Variants in KLF12 observed in about 807,000 individuals in gnomAD.
KLF12 encodes KLF transcription factor 12.
Under a neutral mutation model 37.8 loss-of-function variants are expected in KLF12, and 9 were observed. The ratio of observed to expected loss-of-function variants is 0.24; its 90% CI spans 0.14 to 0.42. The LOEUF (loss-of-function observed/expected upper bound fraction) is 0.42. Ranked by LOEUF, KLF12 falls within the 10% of genes least tolerant of loss-of-function variation. The pLI is 1.00. For missense variants in KLF12, 411 were observed against 516.0 expected (o/e 0.80, Z 1.97); for synonymous variants, 208 against 202.1 (o/e 1.03, Z -0.25).
rs186045496 is a variant in KLF12 at position 73,809,411 on chromosome 13, T to C, written c.806+3741A>G. Among the ~76,000 whole-genome samples, 39 of 152,192 alleles carry C rather than the reference T, an allele frequency of 2.6e-4. 1 individual carries two copies. Among genetic ancestry groups the C allele is most frequent in the Admixed American group, 2.6e-3 (39 of 15,278 alleles). On this transcript the variant is annotated intron_variant, in intron 5 of 7. Coordinates refer to ENST00000377669, the MANE Select transcript of KLF12 (RefSeq NM_007249.5). ...AGAGAAATTAATGGTGAAATAGTCA[T>C]ATCCATTAATTAATAAAGGATAAAC...
intron 1 of KLF12, among the ~76,000 whole-genome samples, chr13:74,124,879 C>T (rs757522602): frequency 8.6e-5 from 13 of 152,030 alleles, no homozygotes; most frequent in Non-Finnish European, 1.6e-4. Flanking sequence ...AACTGGGCCG[C>T]GTATGTTGGC....
intron 3 of KLF12, among the ~76,000 whole-genome samples, chr13:73,846,792 T>C (rs9543471): frequency 0.35 from 53,282 of 151,954 alleles, 10,130 homozygotes; most frequent in Non-Finnish European, 0.44. Context: ...AGAGTTACCA[T>C]ACCATACTCA....
At chr13:73,780,796 T>A (rs1594083483) in intron 5 of KLF12, among the ~76,000 whole-genome samples, 1 of 152,192 alleles carries the variant, frequency 6.6e-6, no homozygotes, top group Admixed American at 6.5e-5. Flanking sequence ...AAAGAAGCAG[T>A]TTGAGATGGA....
rs1290149848 is a variant in KLF12 at position 73,930,408 on chromosome 13, CTAA to C, written c.123+13570_123+13572del. On this transcript the variant is annotated intron_variant, in intron 3 of 7. Coordinates refer to ENST00000377669, the MANE Select transcript of KLF12 (RefSeq NM_007249.5). ...TCTAAGACAATGGAGACACTGAATG[CTAA>C]TAATGTTTTATGTTTTTGGAAACAA... Among the ~76,000 whole-genome samples the C allele has an allele frequency of 2.6e-5, 4 of 152,126 alleles. No individual in the cohort carries two copies. The East Asian group carries it at 7.7e-4, about 29-fold the overall frequency.
intron 1 of KLF12, among the ~76,000 whole-genome samples, chr13:74,089,528 T>C (rs1279115245): frequency 6.6e-6 from 1 of 152,084 alleles, no homozygotes; most frequent in African/African-American, 2.4e-5. Flanking sequence ...ATATTTCTTA[T>C]TATATGGATG....
At chr13:73,831,158 A>G (rs897366317) in intron 4 of KLF12, among the ~76,000 whole-genome samples, 6 of 152,296 alleles carry the variant, frequency 3.9e-5, no homozygotes, top group African/African-American at 1.4e-4. Context: ...AAACTGACAC[A>G]TTCTCTAGAT....
chr13:74,287,708 TCAC>T, the KLF12 span, among the ~76,000 whole-genome samples: 1 of 152,194 alleles, frequency 6.6e-6, no homozygotes, highest in African/African-American at 2.4e-5. Context: ...TCCTTCATAT[TCAC>T]CAACCATTAC....
the KLF12 span, among the ~76,000 whole-genome samples, chr13:74,175,165 A>G: frequency 6.6e-6 from 1 of 152,216 alleles, no homozygotes; most frequent in Non-Finnish European, 1.5e-5. Context: ...TCAGATCCCA[A>G]TATAAATTCT....
At chr13:73,988,932 T>C (rs1891894723) in intron 2 of KLF12, among the ~76,000 whole-genome samples, 1 of 152,176 alleles carries the variant, frequency 6.6e-6, no homozygotes, top group East Asian at 1.9e-4. Flanking sequence ...GTAGGAACTA[T>C]TACTGTTATT....
intron 3 of KLF12, among the ~76,000 whole-genome samples, chr13:73,910,137 A>C (rs73524886): frequency 0.049 from 7,442 of 152,176 alleles, 424 homozygotes; most frequent in African/African-American, 0.14. Flanking sequence ...AGTCTCCTCC[A>C]CTGGCCCACC....
chr13:74,098,793 A>G (rs1593898129), intron 1 of KLF12, among the ~76,000 whole-genome samples: 1 of 152,342 alleles, frequency 6.6e-6, no homozygotes, highest in African/African-American at 2.4e-5. Flanking sequence ...TTTAGAAAAT[A>G]TTTTGCTAAC....
intron 1 of KLF12, among the ~76,000 whole-genome samples, chr13:74,097,888 AG>A (rs1465341186): frequency 6.6e-6 from 1 of 152,076 alleles, no homozygotes; most frequent in African/African-American, 2.4e-5. Flanking sequence ...TTTGACTTAT[AG>A]GTACATCTGC....
At chr13:73,701,208 T>G (rs1324378070) in intron 7 of KLF12, among the ~76,000 whole-genome samples, 1 of 152,220 alleles carries the variant, frequency 6.6e-6, no homozygotes, top group Non-Finnish European at 1.5e-5. Flanking sequence ...GGGCTGCTGC[T>G]GCACCTGGGC....
chr13:73,751,465 G>A (rs887520061), intron 6 of KLF12, among the ~76,000 whole-genome samples: 8 of 152,070 alleles, frequency 5.3e-5, no homozygotes, highest in African/African-American at 1.4e-4. Flanking sequence ...AGACCTGTTC[G>A]GAGCTTAGGG....
chr13:73,914,477 A>C (rs1888720252), intron 3 of KLF12, among the ~76,000 whole-genome samples: 1 of 152,250 alleles, frequency 6.6e-6, no homozygotes, highest in Non-Finnish European at 1.5e-5. Flanking sequence ...ATGTGGAGAG[A>C]GCCAAATAAC....
chr13:73,871,055 T>C (rs561470596), intron 3 of KLF12, among the ~76,000 whole-genome samples: 1 of 152,348 alleles, frequency 6.6e-6, no homozygotes, highest in African/African-American at 2.4e-5. Flanking sequence ...CCCTGAAGCA[T>C]CAAGCTCCTC....
rs181910380 is a variant in KLF12 at position 73,724,463 on chromosome 13, C to T, written c.870-8938G>A. Reference sequence around the variant, plus strand: ...ATTATATAAATCAGACCAAGTAGAACTCATTGGTAGTTTTCCACTTGAGTC... The same window carrying T: ...ATTATATAAATCAGACCAAGTAGAATTCATTGGTAGTTTTCCACTTGAGTC... On this transcript the variant is annotated intron_variant, in intron 6 of 7. Transcript: ENST00000377669. Among the ~76,000 whole-genome samples, 23 of 152,234 alleles carry T rather than the reference C, an allele frequency of 1.5e-4. No homozygotes were observed. The East Asian group carries it at 4.3e-3, about 28-fold the overall frequency.
intron 6 of KLF12, among the ~76,000 whole-genome samples, chr13:73,754,175 A>G (rs1878983773): frequency 6.6e-6 from 1 of 152,176 alleles, no homozygotes; most frequent in Non-Finnish European, 1.5e-5. Flanking sequence ...AAGAGAGAGT[A>G]GCAAGCCAAA....
At chr13:74,241,218 G>C in the KLF12 span, among the ~76,000 whole-genome samples, 15 of 151,544 alleles carry the variant, frequency 9.9e-5, no homozygotes, top group South Asian at 4.2e-4. Flanking sequence ...AGGTGTCAGT[G>C]TGCCCCTGCT....
Sources: gnomAD v4.1 joint callset for allele counts (sites outside exome capture counted in the v4.1 genomes callset) on GRCh38, gnomAD v4.1.1 for gene constraint, MANE v1.5 for transcripts, NCBI Gene and HGNC (gene_info 2026-07-23, HGNC 2026-07-21) for gene names.